ASTN1: variants seen among roughly 807,000 people sequenced by gnomAD.
The protein encoded by ASTN1 is astrotactin 1.
In ASTN1, 41 loss-of-function variants were observed where a neutral mutation model predicts 140.7. The observed-to-expected ratio is 0.29, with a 90% CI of 0.23 to 0.38. The LOEUF is 0.38. Ranked by LOEUF, ASTN1 falls within the 10% of genes least tolerant of loss-of-function variation. The pLI, the probability that ASTN1 is intolerant of heterozygous loss-of-function variation, is 1.00. For synonymous variants in ASTN1, 640 were observed against 652.2 expected (o/e 0.98, Z 0.29); for missense variants, 1,479 against 1,678.8 (o/e 0.88, Z 2.08).
chr1:176,906,233 C>T (rs1266638087), intron 16 of ASTN1, among the ~76,000 whole-genome samples: 1 of 152,124 alleles, frequency 6.6e-6, no homozygotes, highest in African/African-American at 2.4e-5. Context: ...TGGAGACAGA[C>T]TTAGCAGCTG....
chr1:177,017,440 TG>T (rs1394878161), intron 7 of ASTN1, among the ~76,000 whole-genome samples: 1 of 152,194 alleles, frequency 6.6e-6, no homozygotes, highest in Non-Finnish European at 1.5e-5. Context: ...TCAGACTTGA[TG>T]GGGGAAGTTG....
At chr1:176,998,393 C>T (rs919995728) in intron 8 of ASTN1, among the ~76,000 whole-genome samples, 1 of 152,096 alleles carries the variant, frequency 6.6e-6, no homozygotes, top group Non-Finnish European at 1.5e-5. Flanking sequence ...CATCTCCCTC[C>T]CGCTCTTATA....
chr1:176,884,523 G>C, intron 18 of ASTN1, 33 bp from the exon 19 acceptor site: 2 of 1,581,532 alleles, frequency 1.3e-6, no homozygotes, highest in Non-Finnish European at 1.7e-6. Flanking sequence ...ATGAAACAGG[G>C]ACACAACTGT....
At chr1:176,964,720 C>G (rs570646626) in intron 9 of ASTN1, among the ~76,000 whole-genome samples, 104 of 152,248 alleles carry the variant, frequency 6.8e-4, no homozygotes, top group African/African-American at 2.2e-3. Context: ...TTTTGAACAA[C>G]TTAAGACTCT....
chr1:176,944,038 T>C lies in ASTN1; in HGVS notation c.2250-20A>G. On this transcript the variant is annotated intron_variant, in intron 13 of 22. Coordinates refer to ENST00000361833, the MANE Select transcript of ASTN1 (RefSeq NM_004319.3). ...TTTTGCCTAGAAAGAGGGTAGACCT[T>C]CATTTCTGAGTGTTCAGGTGAACCT... 6.2e-7 allele frequency: 1 copy of C among 1,612,498 alleles called. No individual in the cohort carries two copies. The highest frequency in any genetic ancestry group is 8.5e-7 in the Non-Finnish European group (1 of 1,179,512).
chr1:177,023,185 G>A (rs1464535522), intron 7 of ASTN1, among the ~76,000 whole-genome samples: 1 of 152,126 alleles, frequency 6.6e-6, no homozygotes, highest in Non-Finnish European at 1.5e-5. Flanking sequence ...TTTCTGGCTT[G>A]GGACTACAGT....
intron 16 of ASTN1, among the ~76,000 whole-genome samples, chr1:176,913,738 A>G (rs1240536316): frequency 6.6e-6 from 1 of 152,268 alleles, no homozygotes; most frequent in Non-Finnish European, 1.5e-5. Flanking sequence ...GACAGAAGTG[A>G]ACAAGGCTAC....
chr1:177,125,894 G>A (rs550666102), intron 1 of ASTN1, among the ~76,000 whole-genome samples: 1 of 152,122 alleles, frequency 6.6e-6, no homozygotes, highest in Non-Finnish European at 1.5e-5. Context: ...ACTATATTAA[G>A]TAATAATAAT....
intron 8 of ASTN1, among the ~76,000 whole-genome samples, chr1:177,005,709 G>A (rs1241582286): frequency 6.6e-6 from 1 of 152,098 alleles, no homozygotes; most frequent in African/African-American, 2.4e-5. Flanking sequence ...GTGTGTATGT[G>A]TATGTGTGTG....
chr1:176,864,214 A>G lies in ASTN1; in HGVS notation c.*70T>C. The G allele has an allele frequency of 6.5e-7, 1 of 1,541,636 alleles. No individual in the cohort carries two copies. The highest frequency in any genetic ancestry group is 8.7e-7 in the Non-Finnish European group (1 of 1,149,138). On this transcript the variant is annotated 3_prime_UTR_variant, in exon 23 of 23. Coordinates refer to ENST00000361833, the MANE Select transcript of ASTN1 (RefSeq NM_004319.3). ...TTCCATTAAAAAATATTAAAAATCC[A>G]CAGACCAACCCAGATGGATCCCTCC...
At chr1:176,943,173 G>C (rs1188244575) in intron 14 of ASTN1, among the ~76,000 whole-genome samples, 1 of 151,976 alleles carries the variant, frequency 6.6e-6, no homozygotes. Flanking sequence ...CCTCTCATTA[G>C]TCCATGGGAC....
downstream of ASTN1, among the ~76,000 whole-genome samples, chr1:176,860,600 T>C (rs1388522156): frequency 6.6e-5 from 10 of 151,470 alleles, no homozygotes; most frequent in African/African-American, 9.7e-5. Flanking sequence ...TGGGAGGGCC[T>C]TTTGCAACAT....
intron 14 of ASTN1, among the ~76,000 whole-genome samples, chr1:176,941,044 T>G (rs1671692914): frequency 6.6e-6 from 1 of 152,164 alleles, no homozygotes; most frequent in African/African-American, 2.4e-5. Flanking sequence ...AACAAATGCT[T>G]GGAAATGATG....
chr1:177,146,893 C>T (rs945156588), intron 1 of ASTN1, among the ~76,000 whole-genome samples: 1 of 152,172 alleles, frequency 6.6e-6, no homozygotes, highest in South Asian at 2.1e-4. Context: ...AACAATCTCA[C>T]TTTAGCTTGC....
intron 20 of ASTN1, among the ~76,000 whole-genome samples, chr1:176,879,339 G>C (rs1668692959): frequency 6.6e-6 from 1 of 152,148 alleles, no homozygotes; most frequent in Non-Finnish European, 1.5e-5. Context: ...TTGGAACTCA[G>C]GTCAGGGCTG....
chr1:177,145,547 G>T (rs1682682999), intron 1 of ASTN1, among the ~76,000 whole-genome samples: 1 of 152,160 alleles, frequency 6.6e-6, no homozygotes, highest in African/African-American at 2.4e-5. Flanking sequence ...AATTAGAAGA[G>T]GTTATTGTGT....
intron 1 of ASTN1, among the ~76,000 whole-genome samples, chr1:177,065,471 A>C (rs1678309751): frequency 6.6e-6 from 1 of 152,222 alleles, no homozygotes; most frequent in Non-Finnish European, 1.5e-5. Context: ...TGGGAAACTT[A>C]AGACATGATC....
At chr1:177,024,551 G>A in intron 6 of ASTN1, 32 bp downstream of exon 6, 4 of 1,605,478 alleles carry the variant, frequency 2.5e-6, no homozygotes, top group Non-Finnish European at 3.4e-6. Context: ...TTTTTGGGGG[G>A]CAAGGTCGCA....
chr1:177,100,176 T>C (rs1022835), intron 1 of ASTN1, among the ~76,000 whole-genome samples: 4,622 of 152,196 alleles, frequency 0.03, 113 homozygotes, highest in East Asian at 0.11. Context: ...AATTAGTTAA[T>C]ACAGATGATG....
Sources: gnomAD v4.1 joint callset for allele counts (sites outside exome capture counted in the v4.1 genomes callset) on GRCh38, gnomAD v4.1.1 for gene constraint, MANE v1.5 for transcripts, NCBI Gene and HGNC (gene_info 2026-07-23, HGNC 2026-07-21) for gene names.